The following SPMIP3 variants were observed in gnomAD, a reference collection of about 807,000 sequenced individuals.
SPMIP3 encodes the protein sperm microtubule inner protein 3.
At chr1:244,353,423 T>C in the SPMIP3 span, among the ~76,000 whole-genome samples, 2 of 152,200 alleles carry the variant, frequency 1.3e-5, no homozygotes, top group East Asian at 1.9e-4. Flanking sequence ...AAAACCCAGA[T>C]GTCTCGTTGT....
chr1:244,373,265 A>G, the SPMIP3 span, among the ~76,000 whole-genome samples: 5 of 146,774 alleles, frequency 3.4e-5, no homozygotes, highest in South Asian at 1.1e-3. Context: ...TTTCTCTACC[A>G]TGTCATGAAC....
At chr1:244,362,731 A>G in the SPMIP3 span, among the ~76,000 whole-genome samples, 1 of 152,266 alleles carries the variant, frequency 6.6e-6, no homozygotes, top group African/African-American at 2.4e-5. Context: ...CTGTCTATGC[A>G]TACATAATAG....
At chr1:244,365,364 C>A in the SPMIP3 span, among the ~76,000 whole-genome samples, 1 of 152,090 alleles carries the variant, frequency 6.6e-6, no homozygotes, top group Non-Finnish European at 1.5e-5. Flanking sequence ...GGGGTTTTCC[C>A]ATGCTGTTCT....
the SPMIP3 span, among the ~76,000 whole-genome samples, chr1:244,357,623 C>T: frequency 2.7e-5 from 4 of 145,604 alleles, no homozygotes; most frequent in African/African-American, 1.0e-4. Context: ...GCAGAAAAAT[C>T]GCTTGAACCC....
At chr1:244,377,836 T>C in the SPMIP3 span, among the ~76,000 whole-genome samples, 3 of 152,164 alleles carry the variant, frequency 2.0e-5, no homozygotes, top group African/African-American at 7.2e-5. Flanking sequence ...ATTTATTTCT[T>C]TGAGACAGGG....
At chr1:244,363,846 G>A in the SPMIP3 span, among the ~76,000 whole-genome samples, 1 of 152,190 alleles carries the variant, frequency 6.6e-6, no homozygotes. Context: ...GAAGATCAAG[G>A]CAGCAGCCTC....
chr1:244,385,794 C>T, the SPMIP3 span, among the ~76,000 whole-genome samples: 6 of 152,066 alleles, frequency 3.9e-5, no homozygotes, highest in Admixed American at 1.3e-4. Context: ...AATGGAATTG[C>T]ATATATCACT....
At chr1:244,373,794 A>G in the SPMIP3 span, among the ~76,000 whole-genome samples, 2 of 151,950 alleles carry the variant, frequency 1.3e-5, no homozygotes, top group Non-Finnish European at 2.9e-5. Flanking sequence ...TATAATATAA[A>G]AGGAAAAGCA....
At chr1:244,361,062 G>A in the SPMIP3 span, among the ~76,000 whole-genome samples, 32 of 151,932 alleles carry the variant, frequency 2.1e-4, no homozygotes, top group African/African-American at 7.0e-4. Context: ...TTGCGGAGAC[G>A]GAGAGTAGAA....
At chr1:244,376,032 A>G in the SPMIP3 span, among the ~76,000 whole-genome samples, 4,969 of 152,160 alleles carry the variant, frequency 0.033, 282 homozygotes, top group African/African-American at 0.11. Flanking sequence ...GAGTACTCTC[A>G]CCCATCATTC....
chr1:244,377,075 T>C, the SPMIP3 span, among the ~76,000 whole-genome samples: 4 of 151,994 alleles, frequency 2.6e-5, no homozygotes, highest in Middle Eastern at 3.2e-3. Context: ...CCCAAAGTGA[T>C]GGGATTACAG....
chr1:244,369,894 C>T, the SPMIP3 span, among the ~76,000 whole-genome samples: 1 of 152,136 alleles, frequency 6.6e-6, no homozygotes, highest in African/African-American at 2.4e-5. Flanking sequence ...TTGTACTATA[C>T]ACGTGGTGAC....
the SPMIP3 span, among the ~76,000 whole-genome samples, chr1:244,364,302 T>C: frequency 6.6e-6 from 1 of 152,070 alleles, no homozygotes; most frequent in Non-Finnish European, 1.5e-5. Context: ...AGACGGGGTT[T>C]CACCGTGTTA....
chr1:244,364,449 T>TA, the SPMIP3 span, among the ~76,000 whole-genome samples: 13 of 152,262 alleles, frequency 8.5e-5, no homozygotes, highest in South Asian at 6.2e-4. Flanking sequence ...AATTTTTTTT[T>TA]ACTTTTGGTT....
At chr1:244,370,545 A>G in the SPMIP3 span, among the ~76,000 whole-genome samples, 3 of 152,326 alleles carry the variant, frequency 2.0e-5, no homozygotes, top group East Asian at 3.9e-4. Flanking sequence ...CTGTATCCCT[A>G]GTGCCTAGCC....
At chr1:244,366,686 C>T in the SPMIP3 span, among the ~76,000 whole-genome samples, 1 of 152,086 alleles carries the variant, frequency 6.6e-6, no homozygotes, top group African/African-American at 2.4e-5. Context: ...TCGAGACCAG[C>T]CTGGCCAACA....
chr1:244,364,960 A>T, the SPMIP3 span, among the ~76,000 whole-genome samples: 2 of 152,246 alleles, frequency 1.3e-5, no homozygotes, highest in African/African-American at 4.8e-5. Flanking sequence ...CCGAAGAAAG[A>T]GGCTGACAAA....
At chr1:244,386,948 G>A in the SPMIP3 span, among the ~76,000 whole-genome samples, 8 of 152,182 alleles carry the variant, frequency 5.3e-5, no homozygotes, top group African/African-American at 1.7e-4. Context: ...GTGTACAACT[G>A]AGAATTACTC....
the SPMIP3 span, among the ~76,000 whole-genome samples, chr1:244,360,094 C>T: frequency 1.3e-5 from 2 of 151,470 alleles, no homozygotes; most frequent in Non-Finnish European, 2.9e-5. Flanking sequence ...GGCAACAGAG[C>T]GAGACGCCAT....
Sources: gnomAD v4.1 joint callset for allele counts (sites outside exome capture counted in the v4.1 genomes callset) on GRCh38, gnomAD v4.1.1 for gene constraint, MANE v1.5 for transcripts, NCBI Gene and HGNC (gene_info 2026-07-23, HGNC 2026-07-21) for gene names.